Variants in MYO5B observed in about 807,000 individuals in gnomAD.
MYO5B encodes unconventional myosin-Vb.
Under a neutral mutation model 229.3 loss-of-function variants are expected in MYO5B, and 143 were observed. The ratio of observed to expected loss-of-function variants is 0.62; its 90% confidence interval spans 0.54 to 0.72. The LOEUF is 0.72. Among genes scored for constraint, MYO5B ranks in the 30% least tolerant of loss-of-function variants. The pLI is 0.00. For synonymous variants in MYO5B, 918 were observed against 885.2 expected (o/e 1.04, Z -0.66); for missense variants, 2,321 against 2,331.0 (o/e 1.00, Z 0.09).
At chr18:49,969,505 C>T (rs2144272296) in intron 10 of MYO5B, among the ~76,000 whole-genome samples, 1 of 152,256 alleles carries the variant, frequency 6.6e-6, no homozygotes, top group South Asian at 2.1e-4. Flanking sequence ...ATATGTAAAA[C>T]ACATTCCGCC....
At chr18:50,049,802 C>A (rs572706283) in intron 2 of MYO5B, among the ~76,000 whole-genome samples, 3 of 152,088 alleles carry the variant, frequency 2.0e-5, no homozygotes, top group Non-Finnish European at 4.4e-5. Context: ...GCAAAGCATC[C>A]TAATCTATGG....
At position 49,992,316 on chromosome 18, in the gene MYO5B, A is replaced by G. The variant is rs771681382; in HGVS notation, c.728T>C (p.Leu243Pro). 1 of 1,614,186 alleles carries G rather than the reference A, an allele frequency of 6.2e-7. No homozygotes were observed. Among genetic ancestry groups the G allele is most frequent in the South Asian group, 1.1e-5 (1 of 91,084 alleles). The stretch of plus-strand genomic sequence containing the variant: ...GAAGACCACTCTGGACTTCTCCAAG[A>G]GGTAAGTCCTCATGTTGGCCCCGAT... ...HIIGANMRTYLLEKSRVVFQA... is the reference protein window; with the variant it reads ...HIIGANMRTYPLEKSRVVFQA... The change falls in exon 6 of 40, where the codon CTC becomes CCC. Residue 243 changes from leucine to proline, a missense_variant. Physicochemically the swap from Leu to Pro is moderately conservative, Grantham distance 98. This residue lies in a region of MYO5B where 2,113 missense variants were observed against 2,044.7 expected (regional missense o/e 1.03). Transcript: ENST00000285039.
intron 38 of MYO5B, among the ~76,000 whole-genome samples, chr18:49,835,744 C>T (rs2023979933): frequency 6.6e-6 from 1 of 152,184 alleles, no homozygotes. Flanking sequence ...CTCATATCTA[C>T]TAGTAATTTA....
chr18:49,909,695 G>C lies in MYO5B; in HGVS notation c.2202+2367C>G, dbSNP rs372253625. On this transcript the variant is annotated intron_variant, in intron 18 of 39. Transcript: ENST00000285039. ...AGGGGATGAACACAATAAAGGAAGG[G>C]AGGAGGTGAGTGCTGCTGGCCCATA... 2.0e-5 allele frequency among the ~76,000 whole-genome samples: 3 copies of C among 152,220 alleles called. No homozygotes were observed. In the South Asian group the frequency reaches 6.2e-4, roughly 31 times the overall value.
At chr18:50,120,676 G>C (rs1414997282) in intron 1 of MYO5B, among the ~76,000 whole-genome samples, 5 of 152,204 alleles carry the variant, frequency 3.3e-5, no homozygotes, top group Non-Finnish European at 1.5e-5. Flanking sequence ...CTGAGCCTCA[G>C]CTTCTTTGTA....
chr18:49,976,524 CA>C (rs1203083100), intron 9 of MYO5B, among the ~76,000 whole-genome samples: 1 of 152,130 alleles, frequency 6.6e-6, no homozygotes, highest in African/African-American at 2.4e-5. Flanking sequence ...CATGTAGCAC[CA>C]AGAGATAGAT....
chr18:49,978,694 T>TACACACACAC (rs10527520), intron 9 of MYO5B, among the ~76,000 whole-genome samples: 1,409 of 139,152 alleles, frequency 0.01, 19 homozygotes, highest in African/African-American at 0.014. Flanking sequence ...CAGCAAGTAA[T>TACACACACAC]ACACACACAC....
chr18:50,194,676 C>A, intron 1 of MYO5B, 91 bp downstream of exon 1: 2 of 907,596 alleles, frequency 2.2e-6, no homozygotes, highest in South Asian at 1.5e-5. Flanking sequence ...CTCCCGCCTC[C>A]AGTAGCCGAG....
At chr18:49,978,204 C>T (rs181892807) in intron 9 of MYO5B, among the ~76,000 whole-genome samples, 27 of 152,292 alleles carry the variant, frequency 1.8e-4, no homozygotes, top group Admixed American at 2.0e-4. Flanking sequence ...ATCCATGCCT[C>T]CCTAAGAGGC....
chr18:49,991,160 C>T lies in MYO5B; in HGVS notation c.757-640G>A, dbSNP rs998461410. ...ACACCCAACCCAGCAAGCTGCTTCC[C>T]TGGCTGTGGTGTAAAGCAGGATGGG... On this transcript the variant is annotated intron_variant, in intron 6 of 39. Transcript: ENST00000285039. 2.6e-5 allele frequency among the ~76,000 whole-genome samples: 4 copies of T among 152,194 alleles called. No homozygotes were observed. The South Asian group carries it at 8.3e-4, about 32-fold the overall frequency.
chr18:50,061,978 T>TA (rs1450691824), intron 1 of MYO5B, among the ~76,000 whole-genome samples: 4 of 152,280 alleles, frequency 2.6e-5, no homozygotes, highest in South Asian at 4.1e-4. Flanking sequence ...ACCTGAGGGT[T>TA]AAAAGTACTG....
chr18:50,021,378 C>G (rs2026272672), intron 4 of MYO5B, among the ~76,000 whole-genome samples: 1 of 152,136 alleles, frequency 6.6e-6, no homozygotes, highest in Non-Finnish European at 1.5e-5. Flanking sequence ...AACCAGGTTC[C>G]AGCACTAGTT....
At chr18:50,001,005 C>T (rs2026040593) in intron 5 of MYO5B, among the ~76,000 whole-genome samples, 1 of 152,170 alleles carries the variant, frequency 6.6e-6, no homozygotes, top group Admixed American at 6.5e-5. Context: ...CAGTCACTGT[C>T]ACTACAGCAT....
intron 32 of MYO5B, 141 bp from the exon 33 acceptor site, chr18:49,847,430 CA>C: frequency 9.5e-7 from 1 of 1,048,778 alleles, no homozygotes; most frequent in Non-Finnish European, 1.4e-6. Flanking sequence ...GCACCTGGGG[CA>C]GGGGGCATAC....
chr18:50,029,957 A>G (rs181232566), intron 4 of MYO5B, among the ~76,000 whole-genome samples: 5 of 152,210 alleles, frequency 3.3e-5, no homozygotes, highest in Admixed American at 3.3e-4. Context: ...CACATCCCCA[A>G]CCTCCCCAAA....
At chr18:50,069,964 C>G (rs895188497) in intron 1 of MYO5B, among the ~76,000 whole-genome samples, 1 of 151,780 alleles carries the variant, frequency 6.6e-6, no homozygotes, top group Non-Finnish European at 1.5e-5. Context: ...TCAACTTCCA[C>G]TCTGCTGCCT....
chr18:50,001,909 G>A (rs929152610), intron 4 of MYO5B, among the ~76,000 whole-genome samples: 2 of 151,988 alleles, frequency 1.3e-5, no homozygotes, highest in Non-Finnish European at 2.9e-5. Flanking sequence ...GGTGGCACAC[G>A]CCTGTAGTCC....
At chr18:49,936,220 G>A in intron 16 of MYO5B, 32 bp downstream of exon 16, 1 of 1,537,870 alleles carries the variant, frequency 6.5e-7, no homozygotes. Flanking sequence ...CTAAGGCTGG[G>A]CTGGACAGGC....
intron 2 of MYO5B, 145 bp downstream of exon 2, chr18:50,055,123 G>T (rs2030509888): frequency 4.6e-6 from 3 of 656,870 alleles, no homozygotes; most frequent in Non-Finnish European, 8.1e-6. Flanking sequence ...TACATCAATA[G>T]CAACAAGAAA....
Sources: gnomAD v4.1 joint callset for allele counts (sites outside exome capture counted in the v4.1 genomes callset) on GRCh38, gnomAD v4.1.1 for gene constraint, gnomAD v4.1.1 regional missense constraint, MANE v1.5 for transcripts, NCBI Gene and HGNC (gene_info 2026-07-23, HGNC 2026-07-21) for gene names.